SH2D1B: variants seen among roughly 807,000 people sequenced by gnomAD.
SH2D1B encodes SH2 domain-containing protein 1B.
A neutral mutation model predicts 16.3 loss-of-function variants in SH2D1B; 11 were observed. The observed-to-expected ratio is 0.67, with a 90% CI of 0.42 to 1.11. The LOEUF (loss-of-function observed/expected upper bound fraction) is 1.11. Among genes scored for constraint, SH2D1B ranks in the 50% most tolerant of loss-of-function variants. SH2D1B has a pLI of 0.00. For synonymous variants in SH2D1B, 55 were observed against 56.1 expected, an observed-to-expected ratio of 0.98 and a Z score of 0.09; for missense variants, 123 against 153.1, an observed-to-expected ratio of 0.80 and a Z score of 1.04.
Position 162,411,866 on chromosome 1 carries a change from A to C in SH2D1B, c.134+17T>G. On this transcript the variant is annotated intron_variant, in intron 1 of 3. Transcript: ENST00000367929. ...TCAACATACGATGTCAGATGTGTGC[A>C]AGATGAGGCTACTCACGAGACACAG... is the stretch of plus-strand genomic sequence containing the variant. 1 of 1,614,050 alleles carries C rather than the reference A, an allele frequency of 6.2e-7. No individual in the cohort carries two copies. Among genetic ancestry groups the C allele is most frequent in the Admixed American group, 1.7e-5 (1 of 60,028 alleles).
intron 1 of SH2D1B, among the ~76,000 whole-genome samples, chr1:162,411,253 G>C (rs1309678420): frequency 6.6e-6 from 1 of 152,178 alleles, no homozygotes; most frequent in Non-Finnish European, 1.5e-5. Context: ...ACCATGCCCA[G>C]CCTGGAATTT....
chr1:162,402,855 C>T (rs370396089), intron 1 of SH2D1B, 53 bp from the exon 2 acceptor site: 20 of 1,399,312 alleles, frequency 1.4e-5, no homozygotes, highest in Admixed American at 3.4e-5. Context: ...ATCCAGGTAA[C>T]ATCTATCGTT....
chr1:162,410,913 C>T (rs767049113), intron 1 of SH2D1B, among the ~76,000 whole-genome samples: 2 of 151,722 alleles, frequency 1.3e-5, no homozygotes, highest in Non-Finnish European at 2.9e-5. Context: ...GCCTCCGCTT[C>T]CCAAAGTGCT....
chr1:162,397,233 G>A lies in SH2D1B; in HGVS notation c.*47C>T, dbSNP rs376238505. On this transcript the variant is annotated 3_prime_UTR_variant, in exon 4 of 4. Coordinates refer to ENST00000367929, the MANE Select transcript of SH2D1B (RefSeq NM_053282.5). ...GCCTGCAGAAGTGGGTCATCAGTGA[G>A]AACTGTTACTCATCTCTTCAACTTG... 1 of 1,608,458 alleles carries A rather than the reference G, an allele frequency of 6.2e-7. No individual in the cohort carries two copies. The highest frequency in any genetic ancestry group is 1.3e-5 in the African/African-American group (1 of 74,770).
chr1:162,397,457 G>A, intron 3 of SH2D1B, 142 bp from the exon 4 acceptor site: 2 of 811,210 alleles, frequency 2.5e-6, no homozygotes, highest in Non-Finnish European at 4.0e-6. Context: ...ATCTTTAAAG[G>A]CTGGGGTACT....
At chr1:162,400,733 A>G (rs1370599816) in intron 2 of SH2D1B, among the ~76,000 whole-genome samples, 2 of 151,944 alleles carry the variant, frequency 1.3e-5, no homozygotes, top group Non-Finnish European at 2.9e-5. Context: ...GGATCACTTG[A>G]GGTCAGGAGT....
At chr1:162,397,425 G>A (rs1323834311) in intron 3 of SH2D1B, 110 bp from the exon 4 acceptor site, 5 of 1,129,806 alleles carry the variant, frequency 4.4e-6, no homozygotes, top group Non-Finnish European at 6.5e-6. Context: ...ACAGAGCCAT[G>A]TTGATGCCAC....
At chr1:162,404,676 G>A (rs987502758) in intron 1 of SH2D1B, among the ~76,000 whole-genome samples, 2 of 152,140 alleles carry the variant, frequency 1.3e-5, no homozygotes, top group Non-Finnish European at 2.9e-5. Flanking sequence ...TACATGGATG[G>A]CAAATAAGCA....
At chr1:162,411,160 T>C (rs779256930) in intron 1 of SH2D1B, among the ~76,000 whole-genome samples, 1 of 152,100 alleles carries the variant, frequency 6.6e-6, no homozygotes, top group Non-Finnish European at 1.5e-5. Context: ...TTTGCCGTGT[T>C]GGCCAGGCTG....
chr1:162,403,512 ATATATATATATAT>A (rs368819748), intron 1 of SH2D1B, among the ~76,000 whole-genome samples: 6 of 17,790 alleles, frequency 3.4e-4, no homozygotes, highest in South Asian at 3.8e-3. Context: ...AAAAAAAAAA[ATATATATATATAT>A]ATATATATAT....
At chr1:162,407,291 G>A (rs894126080) in intron 1 of SH2D1B, among the ~76,000 whole-genome samples, 18 of 152,208 alleles carry the variant, frequency 1.2e-4, no homozygotes, top group African/African-American at 4.3e-4. Context: ...CCATTTTAAT[G>A]CAGCAGAGAA....
At chr1:162,400,859 G>A (rs1199290192) in intron 2 of SH2D1B, among the ~76,000 whole-genome samples, 1 of 152,048 alleles carries the variant, frequency 6.6e-6, no homozygotes, top group East Asian at 1.9e-4. Context: ...TGAGCCAGGA[G>A]AATCGCTTGA....
Position 162,395,500 on chromosome 1 carries a change from A to C in SH2D1B, c.*1780T>G, listed in dbSNP as rs886075718. ...TACTGGGAACAGTGTAAGAATACTC[A>C]CTATCATGACTATGAACTGTTTAAT... On this transcript the variant is annotated 3_prime_UTR_variant, in exon 4 of 4. Coordinates refer to ENST00000367929, the MANE Select transcript of SH2D1B (RefSeq NM_053282.5). The C allele has an allele frequency of 1.3e-5, 2 of 152,236 alleles. No individual in the cohort carries two copies. Among genetic ancestry groups the C allele is most frequent in the African/African-American group, 4.8e-5 (2 of 41,474 alleles). The allele number at this position is 152,236 out of a possible 1,614,324, so 9.4% of individuals were successfully genotyped here.
At chr1:162,400,584 G>A (rs796346618) in intron 2 of SH2D1B, among the ~76,000 whole-genome samples, 1 of 151,208 alleles carries the variant, frequency 6.6e-6, no homozygotes, top group African/African-American at 2.4e-5. Flanking sequence ...GATTACAGGC[G>A]GGAGCCACCA....
At chr1:162,399,687 T>A (rs895320807) in intron 2 of SH2D1B, among the ~76,000 whole-genome samples, 4 of 152,140 alleles carry the variant, frequency 2.6e-5, no homozygotes, top group African/African-American at 9.7e-5. Flanking sequence ...GGCCCCTGTG[T>A]GTGTTGTTCT....
rs553220067 is a variant in SH2D1B at position 162,409,067 on chromosome 1, C to A, written c.134+2816G>T. 2.0e-5 allele frequency among the ~76,000 whole-genome samples: 3 copies of A among 150,812 alleles called. No individual in the cohort carries two copies. In the East Asian group the frequency reaches 5.9e-4, roughly 30 times the overall value. ...GAGGTTGCAGTGAGCCATGATCGCA[C>A]CACTGCACTCCAGCCTAGGAGCTGG... On this transcript the variant is annotated intron_variant, in intron 1 of 3. Coordinates refer to ENST00000367929, the MANE Select transcript of SH2D1B (RefSeq NM_053282.5).
At chr1:162,398,159 A>C (rs1648425375) in intron 3 of SH2D1B, among the ~76,000 whole-genome samples, 1 of 151,810 alleles carries the variant, frequency 6.6e-6, no homozygotes, top group South Asian at 2.1e-4. Flanking sequence ...CTCCCAGAGA[A>C]CTCTCTGTCC....
intron 1 of SH2D1B, among the ~76,000 whole-genome samples, chr1:162,409,532 T>TA (rs1390836670): frequency 1.3e-5 from 2 of 152,184 alleles, no homozygotes; most frequent in African/African-American, 4.8e-5. Flanking sequence ...CTCCCCTTCC[T>TA]AAAATGCCCT....
intron 1 of SH2D1B, among the ~76,000 whole-genome samples, chr1:162,409,496 C>T (rs753315997): frequency 6.6e-5 from 10 of 152,132 alleles, no homozygotes; most frequent in Admixed American, 2.0e-4. Flanking sequence ...TAAAATATCC[C>T]ACTTCTAGAC....
Sources: allele counts gnomAD v4.1 joint callset (sites outside exome capture counted in the v4.1 genomes callset), GRCh38; gene constraint gnomAD v4.1.1; transcripts MANE v1.5; gene names NCBI Gene and HGNC (gene_info 2026-07-23, HGNC 2026-07-21).